Variants in PTCH1 observed in about 807,000 individuals in gnomAD.
The protein encoded by PTCH1 is protein patched homolog 1.
PTCH1 carries 14 observed loss-of-function variants against 144.6 expected under a neutral mutation model. The ratio of observed to expected loss-of-function variants is 0.10; its 90% CI spans 0.06 to 0.15. PTCH1 has a LOEUF of 0.15. Ranked by LOEUF, PTCH1 falls within the 10% of genes least tolerant of loss-of-function variation. PTCH1 has a pLI of 1.00. For synonymous variants in PTCH1, 833 were observed against 793.6 expected (o/e 1.05, Z -0.83); for missense variants, 1,623 against 1,948.3 (o/e 0.83, Z 3.14).
At chr9:95,516,691 C>T in exon 1 of PTCH1, 3 of 1,611,182 alleles carry the variant, frequency 1.9e-6, no homozygotes, top group Non-Finnish European at 1.7e-6. Context: ...TCTTCTTCTT[C>T]TCCTCCTCCT....
intron 15 of PTCH1, among the ~76,000 whole-genome samples, chr9:95,462,774 G>C (rs28377268): frequency 6.6e-6 from 1 of 152,038 alleles, no homozygotes; most frequent in African/African-American, 2.4e-5. Context: ...AGCCGGGGAG[G>C]GGGAGGAAAG....
chr9:95,449,252 G>T lies in PTCH1; in HGVS notation c.3621C>A (p.Phe1207Leu). The T allele has an allele frequency of 6.4e-7, 1 of 1,573,630 alleles. No individual in the cohort carries two copies. The highest frequency in any genetic ancestry group is 8.6e-7 in the Non-Finnish European group (1 of 1,159,262). ...SPEPPPSVVR[F>L]AMPPGHTHSG... ...TGTGCGTGTGGCCGGGCGGCATGGC[G>T]AAGCGGACCACGCTGGGGGGTGGCT... Residue 1207 changes from phenylalanine to leucine, a missense_variant, in exon 22 of 24, where the codon TTC becomes TTA. By Grantham distance (22) the Phe-to-Leu change is conservative. Coordinates refer to ENST00000331920, the MANE Select transcript of PTCH1 (RefSeq NM_000264.5). This position sits in a 1 kb window ranked among gnomAD's most constrained non-coding sequence, Gnocchi z 5.3.
upstream of PTCH1, among the ~76,000 whole-genome samples, chr9:95,510,809 G>C (rs1389619913): frequency 6.6e-6 from 1 of 151,432 alleles, no homozygotes; most frequent in Non-Finnish European, 1.5e-5. Flanking sequence ...GGGAGAAGGC[G>C]GAGCTCCGGT....
rs2118046186 is a variant in PTCH1 at position 95,468,992 on chromosome 9, G to A, written c.2009C>T (p.Pro670Leu). 2 of 1,614,096 alleles carry A rather than the reference G, an allele frequency of 1.2e-6. No homozygotes were observed. The highest frequency in any genetic ancestry group is 1.1e-5 in the South Asian group (1 of 91,060). The change falls in exon 14 of 24, where the codon CCC (proline) becomes CTC (leucine). Residue 670 changes from proline to leucine, a missense_variant. This residue lies in a region of PTCH1 where 179 missense variants were observed against 165.7 expected (regional missense o/e 1.08). Coordinates refer to ENST00000331920, the MANE Select transcript of PTCH1 (RefSeq NM_000264.5). ...GGTGGTGTAGTACACGTGCGTGTGG[G>A]GGTCGTACTCCGTGCGGAGCTGGAC... ...STVQLRTEYD[P>L]HTHVYYTTAE...
intron 2 of PTCH1, among the ~76,000 whole-genome samples, chr9:95,492,262 T>C (rs964191209): frequency 1.2e-4 from 19 of 152,262 alleles, no homozygotes; most frequent in Non-Finnish European, 1.0e-4. Context: ...GCTATTGTGC[T>C]GCTTGGGTAC....
chr9:95,497,235 C>CGATA (rs1465672616), intron 2 of PTCH1, among the ~76,000 whole-genome samples: 1 of 152,106 alleles, frequency 6.6e-6, no homozygotes, highest in Non-Finnish European at 1.5e-5. Context: ...TCATGTTAGG[C>CGATA]TATCTGGAAG....
Position 95,458,022 on chromosome 9 carries a change from G to A in PTCH1, c.3159C>T (p.Ala1053=), listed in dbSNP as rs780700622. Residue 1053 remains alanine, a synonymous_variant, in exon 18 of 24, where the codon GCC becomes GCT. Transcript: ENST00000331920. The surrounding 1 kb of genome is among the most constrained non-coding windows in gnomAD (Gnocchi z 4.7). ...CAVFLLNPWT[A]GIIVMVLALM... ...CTTATAATACACTCACAATGATCCCGGCCGTCCAGGGGTTCAGAAGGAAGA... is the reference window on the plus strand; with the variant it reads ...CTTATAATACACTCACAATGATCCCAGCCGTCCAGGGGTTCAGAAGGAAGA... 27 of 1,613,940 alleles carry A rather than the reference G, an allele frequency of 1.7e-5. No individual in the cohort carries two copies. Among genetic ancestry groups the A allele is most frequent in the East Asian group, 6.7e-5 (3 of 44,886 alleles).
In PTCH1 at chr9:95,480,463, T is replaced by A; in HGVS notation, c.872A>T (p.Tyr291Phe). ...MLNKAEVGHG[Y>F]MDRPCLNPAD... The stretch of plus-strand genomic sequence containing the variant: ...CGGATTGAGGCAGGGGCGGTCCATG[T>A]AACCATGACCAACCTCAGCCTTATT... The change falls in exon 6 of 24, where the codon TAC (tyrosine) becomes TTC (phenylalanine). Residue 291 changes from tyrosine (Y) to phenylalanine (F), a missense_variant. By Grantham distance (22) the Tyr-to-Phe change is conservative. Around this residue, in one of 7 missense-constraint regions of PTCH1, gnomAD observed 230 missense variants for 271.0 expected, o/e 0.85. Coordinates refer to ENST00000331920, the MANE Select transcript of PTCH1 (RefSeq NM_000264.5). 1.2e-6 allele frequency: 2 copies of A among 1,612,500 alleles called. No homozygotes were observed. The highest frequency in any genetic ancestry group is 2.7e-5 in the African/African-American group (2 of 74,534).
At chr9:95,507,986 G>T (rs1232246333) in intron 1 of PTCH1, 175 bp downstream of exon 1, 3 of 1,506,574 alleles carry the variant, frequency 2.0e-6, no homozygotes, top group African/African-American at 1.4e-5. Flanking sequence ...CCAGAGGGAG[G>T]GTTTGAATTT....
chr9:95,464,575 A>C (rs1295330262), intron 15 of PTCH1, among the ~76,000 whole-genome samples: 4 of 152,186 alleles, frequency 2.6e-5, no homozygotes. Flanking sequence ...ATAAAAATGA[A>C]CACATTTGTA....
chr9:95,469,196 G>C lies in PTCH1; in HGVS notation c.1848-43C>G, dbSNP rs1411043057. ...ATGTTGCAATGTTATGCTGAAACAG[G>C]GAAATGGTGCTTTCATTCTGCCATT... On this transcript the variant is annotated intron_variant, in intron 13 of 23. Transcript: ENST00000331920. The C allele has an allele frequency of 3.1e-6, 5 of 1,611,886 alleles. No homozygotes were observed. The Admixed American group carries it at 8.3e-5, about 27-fold the overall frequency.
chr9:95,476,588 A>G lies in PTCH1; in HGVS notation c.1602+171T>C, dbSNP rs1841056807. Among the ~76,000 whole-genome samples the G allele has an allele frequency of 6.6e-6, 1 of 152,172 alleles. No homozygotes were observed. Among genetic ancestry groups the G allele is most frequent in the Non-Finnish European group, 1.5e-5 (1 of 68,026 alleles). ...TCTTGGGACTTCTCATAGCAAATAC[A>G]TGTCCTGAGAGTCTTCCAGCTTATT... On this transcript the variant is annotated intron_variant, in intron 11 of 23. Transcript: ENST00000331920. This position sits in a 1 kb window ranked among gnomAD's most constrained non-coding sequence, Gnocchi z 4.6.
intron 2 of PTCH1, chr9:95,494,511 C>A: frequency 1.1e-6 from 1 of 928,330 alleles, no homozygotes; most frequent in Non-Finnish European, 1.3e-6. Context: ...GTCTTCCATC[C>A]GGAACAGCGT....
intron 12 of PTCH1, among the ~76,000 whole-genome samples, chr9:95,471,082 CAAAAAAAAAAAAGAAA>C (rs747403735): frequency 3.2e-5 from 4 of 126,812 alleles, no homozygotes; most frequent in Middle Eastern, 4.5e-3. Context: ...GAGTCTGTCT[CAAAAAAAAAAAAGAAA>C]GAAAGAAAGA....
At chr9:95,516,370 C>CG in intron 1 of PTCH1, 1 of 986,582 alleles carries the variant, frequency 1.0e-6, no homozygotes, top group East Asian at 4.1e-5. Context: ...CTCCGTCCGC[C>CG]GCGCGGGGCG....
chr9:95,507,912 ACACACACG>A (rs1350157269), intron 1 of PTCH1: 37 of 1,377,536 alleles, frequency 2.7e-5, no homozygotes, highest in African/African-American at 1.0e-4. Flanking sequence ...GTATACACAC[ACACACACG>A]CACACACACA....
intron 2 of PTCH1, chr9:95,494,499 A>AATT: frequency 3.1e-6 from 3 of 955,218 alleles, no homozygotes; most frequent in Non-Finnish European, 3.7e-6. Flanking sequence ...ACAGGCGGAA[A>AATT]TGTCTTCCAT....
At chr9:95,505,911 C>T (rs1203041579) in intron 2 of PTCH1, among the ~76,000 whole-genome samples, 3 of 147,484 alleles carry the variant, frequency 2.0e-5, no homozygotes, top group Non-Finnish European at 4.5e-5. Flanking sequence ...AGCGCGGCGG[C>T]CGCGGCCGCC....
chr9:95,505,533 T>C (rs1296798658), intron 2 of PTCH1, among the ~76,000 whole-genome samples: 1 of 152,164 alleles, frequency 6.6e-6, no homozygotes, highest in African/African-American at 2.4e-5. Context: ...CTGCAACTGC[T>C]TTGCTAAGGT....
Sources: allele counts gnomAD v4.1 joint callset (sites outside exome capture counted in the v4.1 genomes callset), GRCh38; gene constraint gnomAD v4.1.1; regional missense constraint gnomAD v4.1.1; non-coding constraint Gnocchi (gnomAD v3.1); transcripts MANE v1.5; gene names NCBI Gene and HGNC (gene_info 2026-07-23, HGNC 2026-07-21).